The following ADCK5 variants were observed in gnomAD, a reference collection of about 807,000 sequenced individuals.
ADCK5 encodes the protein aarF domain containing kinase 5, also known as uncharacterized aarF domain-containing protein kinase 5.
ADCK5 carries 43 observed loss-of-function variants against 64.9 expected under a neutral mutation model. That is an observed-to-expected ratio of 0.66 (90% confidence interval 0.52 to 0.85). ADCK5 has a LOEUF of 0.85. Ranked by LOEUF, ADCK5 falls within the 40% of genes least tolerant of loss-of-function variation. ADCK5 has a pLI of 0.00. For synonymous variants in ADCK5, 434 were observed against 342.8 expected, an observed-to-expected ratio of 1.27 and a Z score of -2.94; for missense variants, 760 against 810.5, an observed-to-expected ratio of 0.94 and a Z score of 0.76.
At chr8:144,382,968 A>C (rs572785986) in intron 2 of ADCK5, 113 bp from the exon 3 acceptor site, 2 of 1,426,652 alleles carry the variant, frequency 1.4e-6, no homozygotes, top group South Asian at 2.5e-5. Flanking sequence ...ACCACACGTC[A>C]GAATGGCTGT....
chr8:144,379,385 A>C lies in ADCK5; in HGVS notation c.13-2A>C. The C allele has an allele frequency of 6.3e-7, 1 of 1,599,522 alleles. No homozygotes were observed. The highest frequency in any genetic ancestry group is 8.5e-7 in the Non-Finnish European group (1 of 1,170,962). On this transcript the variant is annotated splice_acceptor_variant, in intron 1 of 14. Transcript: ENST00000308860. LOFTEE classifies it high-confidence loss of function. ...ACCCCACACAATTTCCTCTCTTTGC[A>C]GGTGCAGCTCTGTCATTTCCACTCT... is the stretch of plus-strand genomic sequence containing the variant.
intron 3 of ADCK5, among the ~76,000 whole-genome samples, chr8:144,386,254 C>T (rs1048202719): frequency 2.6e-5 from 4 of 151,240 alleles, no homozygotes; most frequent in African/African-American, 4.9e-5. Context: ...TCAGGTGATC[C>T]GTTTGCCTCA....
At chr8:144,392,422 T>TTC in intron 12 of ADCK5, 23 bp from the exon 13 acceptor site, 9 of 533,436 alleles carry the variant, frequency 1.7e-5, no homozygotes, top group South Asian at 1.0e-4. Flanking sequence ...GCCCCCTCCC[T>TTC]CCCTCCCTCC....
chr8:144,374,028 G>A, upstream of ADCK5: 1 of 1,240,920 alleles, frequency 8.1e-7, no homozygotes, highest in Non-Finnish European at 1.0e-6. Flanking sequence ...GCGCCCTCCC[G>A]CAGGGCCTGC....
chr8:144,375,648 C>T (rs1374465044), intron 1 of ADCK5: 9 of 985,232 alleles, frequency 9.1e-6, no homozygotes, highest in Non-Finnish European at 1.1e-5. Context: ...GTGAGTGTTA[C>T]CACTCAGAAT....
At position 144,392,120 on chromosome 8, in the gene ADCK5, A is replaced by G; in HGVS notation, c.1125A>G (p.Lys375=). Residue 375 remains lysine (K), a synonymous_variant, in exon 11 of 15, where the codon AAA becomes AAG. Transcript: ENST00000308860. Reference sequence around the variant, plus strand: ...TGGTGCGGAAAGGCCCGGACGGGAAAGCGGAGCTGGTGCTGCTGGACCACG... The same window carrying G: ...TGGTGCGGAAAGGCCCGGACGGGAAGGCGGAGCTGGTGCTGCTGGACCACG... The part of the protein sequence containing the change: ...NVLVRKGPDG[K]AELVLLDHGL... 6.3e-7 allele frequency: 1 copy of G among 1,595,394 alleles called. No individual in the cohort carries two copies. The highest frequency in any genetic ancestry group is 8.5e-7 in the Non-Finnish European group (1 of 1,171,602).
rs922773153 is a variant in ADCK5, at chr8:144,393,004, T to A, written c.1673T>A (p.Leu558Gln). 3 of 1,589,780 alleles carry A rather than the reference T, an allele frequency of 1.9e-6. No homozygotes were observed. Among genetic ancestry groups the A allele is most frequent in the Non-Finnish European group, 2.6e-6 (3 of 1,171,476 alleles). ...ETLAMRLTALLARALVHLSLV... is the reference protein window; with the variant it reads ...ETLAMRLTALQARALVHLSLV... Reference sequence around the variant, plus strand: ...TTGGCCATGCGGCTGACCGCCCTCCTGGCTCGTGCTCTGGTCCACCTGAGC... The same window carrying A: ...TTGGCCATGCGGCTGACCGCCCTCCAGGCTCGTGCTCTGGTCCACCTGAGC... Residue 558 changes from leucine to glutamine, a missense_variant, in exon 15 of 15, where the codon CTG becomes CAG. Physicochemically the swap from Leu to Gln is moderately radical, Grantham distance 113. Coordinates refer to ENST00000308860, the MANE Select transcript of ADCK5 (RefSeq NM_174922.5).
Position 144,383,161 on chromosome 8 carries a change from A to G in ADCK5, c.197A>G (p.Tyr66Cys), listed in dbSNP as rs933607862. 3 of 1,599,372 alleles carry G rather than the reference A, an allele frequency of 1.9e-6. No individual in the cohort carries two copies. Among genetic ancestry groups the G allele is most frequent in the South Asian group, 1.1e-5 (1 of 88,264 alleles). The stretch of plus-strand genomic sequence containing the variant: ...GCGCCCCTGCTCCTCGGAGCCCGCT[A>G]TGTCATGGCAGAGGCACGGGAGAAG... ...VGAPLLLGAR[Y>C]VMAEAREKRR... is the part of the protein sequence containing the mutation. The change falls in exon 3 of 15, where the codon TAT becomes TGT. Residue 66 changes from tyrosine (Y) to cysteine (C), a missense_variant. By Grantham distance (194) the Tyr-to-Cys change is radical. Coordinates refer to ENST00000308860, the MANE Select transcript of ADCK5 (RefSeq NM_174922.5).
rs1003920382 is a variant in ADCK5 at position 144,391,867 on chromosome 8, G to C, written c.1014+1G>C. ...GAGCCAGGGGCTGGCAGTGCATGAC[G>C]TGAGTGCGGGGGGGCGGGGGCGGGT... On this transcript the variant is annotated splice_donor_variant, in intron 9 of 14. Coordinates refer to ENST00000308860, the MANE Select transcript of ADCK5 (RefSeq NM_174922.5). LOFTEE classifies it high-confidence loss of function. The C allele has an allele frequency of 6.5e-7, 1 of 1,550,340 alleles. No individual in the cohort carries two copies. The highest frequency in any genetic ancestry group is 1.8e-5 in the Admixed American group (1 of 54,490).
At chr8:144,392,755 C>T (rs782662179) in intron 13 of ADCK5, 21 bp from the exon 14 acceptor site, 9 of 1,584,812 alleles carry the variant, frequency 5.7e-6, no homozygotes, top group Middle Eastern at 1.7e-4. Flanking sequence ...GCTGACGCGG[C>T]GCTAACGCGG....
rs1819262806 is a variant in ADCK5, at chr8:144,374,061, C to T, written c.-35C>T. 8.8e-6 allele frequency: 11 copies of T among 1,245,608 alleles called. No homozygotes were observed. In the South Asian group the frequency reaches 1.6e-4, roughly 19 times the overall value. 77.2% of individuals were successfully genotyped at this position (1,245,608 alleles called of 1,614,324 possible). On this transcript the variant is annotated 5_prime_UTR_variant, in exon 1 of 15. Transcript: ENST00000308860. ...TGCTGGGCTGCGAGACGCTAAGCGG[C>T]GCCGGGCGGGAGAAGAGCGGAGCAG...
intron 2 of ADCK5, among the ~76,000 whole-genome samples, chr8:144,382,435 T>C (rs568294350): frequency 3.9e-5 from 6 of 152,282 alleles, no homozygotes; most frequent in South Asian, 2.1e-4. Context: ...CTGCTGTATT[T>C]GGCAAGTATT....
Position 144,376,478 on chromosome 8 carries a change from G to T in ADCK5, c.12+2371G>T, listed in dbSNP as rs1043852845. Among the ~76,000 whole-genome samples the T allele has an allele frequency of 2.6e-5, 4 of 152,190 alleles. No homozygotes were observed. The highest frequency in any genetic ancestry group is 6.5e-5 in the Admixed American group (1 of 15,274). On this transcript the variant is annotated intron_variant, in intron 1 of 14. Transcript: ENST00000308860. The surrounding 1 kb of genome is among the most constrained non-coding windows in gnomAD (Gnocchi z 5.1). ...CCCGGGGTCTACTGGAGGGATCTCT[G>T]TCCTGGATAAGAATGGGAGTGAGAG...
Position 144,383,169 on chromosome 8 carries a change from G to T in ADCK5, c.205G>T (p.Ala69Ser). ...GCTCCTCGGAGCCCGCTATGTCATG[G>T]CAGAGGCACGGGAGAAGAGGAGGAT... Reference protein sequence around the residue: ...PLLLGARYVMAEAREKRRMRL... With the variant: ...PLLLGARYVMSEAREKRRMRL... The change falls in exon 3 of 15, where the codon GCA becomes TCA. Residue 69 changes from alanine to serine, a missense_variant. By Grantham distance (99) the Ala-to-Ser change is moderately conservative (BLOSUM62 1). Around this residue, in one of 2 missense-constraint regions of ADCK5, gnomAD observed 427 missense variants for 518.4 expected, o/e 0.82. Coordinates refer to ENST00000308860, the MANE Select transcript of ADCK5 (RefSeq NM_174922.5). 6.2e-7 allele frequency: 1 copy of T among 1,600,728 alleles called. No individual in the cohort carries two copies. Among genetic ancestry groups the T allele is most frequent in the South Asian group, 1.1e-5 (1 of 88,514 alleles).
chr8:144,383,324 G>A (rs1315237066), intron 3 of ADCK5, 94 bp downstream of exon 3: 5 of 1,431,250 alleles, frequency 3.5e-6, no homozygotes, highest in Non-Finnish European at 4.6e-6. Flanking sequence ...CACAGACGAG[G>A]GGCGTGAGCC....
In ADCK5 at chr8:144,393,209, G is replaced by A. The variant is rs1820420403; in HGVS notation, c.*135G>A. 2.2e-6 allele frequency: 3 copies of A among 1,355,554 alleles called. No homozygotes were observed. Among genetic ancestry groups the A allele is most frequent in the Non-Finnish European group, 2.0e-6 (2 of 1,011,626 alleles). 84.0% of individuals were successfully genotyped at this position (1,355,554 alleles called of 1,614,324 possible). Reference sequence around the variant, plus strand: ...GTGACAGCAGCTGGGCCAGGAGGCCGTGTAATGACCACACACTCCTCTCAA... The same window carrying A: ...GTGACAGCAGCTGGGCCAGGAGGCCATGTAATGACCACACACTCCTCTCAA... On this transcript the variant is annotated 3_prime_UTR_variant, in exon 15 of 15. Coordinates refer to ENST00000308860, the MANE Select transcript of ADCK5 (RefSeq NM_174922.5).
In ADCK5 at chr8:144,392,433, C is replaced by T. The variant is rs561354112; in HGVS notation, c.1268-12C>T. The T allele has an allele frequency of 5.4e-6, 8 of 1,484,780 alleles. No individual in the cohort carries two copies. The East Asian group carries it at 1.5e-4, about 28-fold the overall frequency. 92.0% of individuals were successfully genotyped at this position (1,484,780 alleles called of 1,614,324 possible). A position where few individuals can be genotyped will look rare whatever the true frequency, so the allele number is the denominator to read the frequency against. On this transcript the variant is annotated splice_polypyrimidine_tract_variant and intron_variant, in intron 12 of 14. Transcript: ENST00000308860. ...CAGAGCCCCCTCCCTCCCTCCCTCCCTCCCTCCCCAGACTACCTCCTGTTC... is the reference window on the plus strand; with the variant it reads ...CAGAGCCCCCTCCCTCCCTCCCTCCTTCCCTCCCCAGACTACCTCCTGTTC...
chr8:144,393,089 G>T lies in ADCK5; in HGVS notation c.*15G>T. On this transcript the variant is annotated 3_prime_UTR_variant, in exon 15 of 15. Coordinates refer to ENST00000308860, the MANE Select transcript of ADCK5 (RefSeq NM_174922.5). Reference sequence around the variant, plus strand: ...TGGAGACCTAGGGTGCAGCCGCCCAGGGCCGGCGGGGCCCTTTTCACCTTG... The same window carrying T: ...TGGAGACCTAGGGTGCAGCCGCCCATGGCCGGCGGGGCCCTTTTCACCTTG... 6.5e-7 allele frequency: 1 copy of T among 1,536,704 alleles called. No homozygotes were observed. The highest frequency in any genetic ancestry group is 2.1e-5 in the Admixed American group (1 of 48,470).
chr8:144,385,919 A>G (rs1819902161), intron 3 of ADCK5, among the ~76,000 whole-genome samples: 1 of 151,522 alleles, frequency 6.6e-6, no homozygotes. Context: ...AGCCAAGATC[A>G]CGCCACTGCA....
Sources: allele counts gnomAD v4.1 joint callset (sites outside exome capture counted in the v4.1 genomes callset), GRCh38; gene constraint gnomAD v4.1.1; regional missense constraint gnomAD v4.1.1; non-coding constraint Gnocchi (gnomAD v3.1); transcripts MANE v1.5; gene names NCBI Gene and HGNC (gene_info 2026-07-23, HGNC 2026-07-21).